Variants in SND1 observed in about 807,000 individuals in gnomAD.
The protein encoded by SND1 is staphylococcal nuclease and tudor domain containing 1, also known as staphylococcal nuclease domain-containing protein 1.
In SND1, 38 loss-of-function variants were observed where a neutral mutation model predicts 121.7. The ratio of observed to expected loss-of-function variants is 0.31; its 90% CI spans 0.24 to 0.41. The LOEUF (loss-of-function observed/expected upper bound fraction) is 0.41. Among genes scored for constraint, SND1 ranks in the 10% least tolerant of loss-of-function variants. The pLI is 1.00. For missense variants in SND1, 868 were observed against 1,184.6 expected (o/e 0.73, Z 3.92); for synonymous variants, 401 against 447.4 (o/e 0.90, Z 1.31).
intron 16 of SND1, among the ~76,000 whole-genome samples, chr7:128,000,589 C>T (rs940795661): frequency 1.3e-5 from 2 of 152,090 alleles, no homozygotes; most frequent in African/African-American, 2.4e-5. Context: ...AGGCTGGTCT[C>T]AAACTCTGGG....
At chr7:127,697,814 A>G (rs1796032976) in intron 3 of SND1, among the ~76,000 whole-genome samples, 1 of 152,190 alleles carries the variant, frequency 6.6e-6, no homozygotes, top group Non-Finnish European at 1.5e-5. Context: ...TACTGCTTGC[A>G]GAGGTCGATG....
Position 127,701,233 on chromosome 7 carries a change from G to C in SND1, c.499G>C (p.Gly167Arg). 1.2e-6 allele frequency: 2 copies of C among 1,614,048 alleles called. No homozygotes were observed. The highest frequency in any genetic ancestry group is 1.7e-6 in the Non-Finnish European group (2 of 1,179,954). ...AGCCAAGAAAGGGATGTGGAGTGAG[G>C]GGAACGGTTCACATACTATCCGGGA... ...KAAKKGMWSE[G>R]NGSHTIRDLK... is the part of the protein sequence containing the mutation. The change falls in exon 5 of 24, where the codon GGG (glycine) becomes CGG (arginine). Residue 167 changes from glycine (G) to arginine (R), a missense_variant. Physicochemically the swap from Gly to Arg is moderately radical, Grantham distance 125. Around this residue, in one of 2 missense-constraint regions of SND1, gnomAD observed 743 missense variants for 1,071.3 expected, o/e 0.69. Transcript: ENST00000354725.
At chr7:127,764,582 G>T (rs1374439363) in intron 10 of SND1, among the ~76,000 whole-genome samples, 4 of 152,224 alleles carry the variant, frequency 2.6e-5, no homozygotes, top group Non-Finnish European at 5.9e-5. Context: ...GATGTGGCAG[G>T]CTGTGCTTAT....
At chr7:127,987,652 C>T (rs1001529677) in intron 15 of SND1, among the ~76,000 whole-genome samples, 11 of 152,170 alleles carry the variant, frequency 7.2e-5, no homozygotes, top group Admixed American at 5.2e-4. Context: ...CAGGACCTGC[C>T]CCGTCCTTCC....
intron 13 of SND1, among the ~76,000 whole-genome samples, chr7:127,890,704 T>A (rs979549407): frequency 6.6e-6 from 1 of 152,178 alleles, no homozygotes; most frequent in Non-Finnish European, 1.5e-5. Flanking sequence ...TAGCCATGTT[T>A]TGCTATAATA....
At chr7:127,830,552 T>C (rs1798720397) in intron 11 of SND1, among the ~76,000 whole-genome samples, 1 of 152,190 alleles carries the variant, frequency 6.6e-6, no homozygotes, top group Non-Finnish European at 1.5e-5. Context: ...TATCATTGTT[T>C]ATTTGCTTTT....
rs1236076475 is a variant in SND1, at chr7:128,088,552, A to ACCTCCC, written c.2419-937_2419-936insCCTCCC. On this transcript the variant is annotated intron_variant, in intron 21 of 23. Transcript: ENST00000354725. Reference sequence around the variant, plus strand: ...ACTGCAACCTCTCCCTCCCAGGTTGAAGTGATTCTCCCACCTCAGCCTTCC... The same window carrying ACCTCCC: ...ACTGCAACCTCTCCCTCCCAGGTTGACCTCCCAGTGATTCTCCCACCTCAGCCTTCC... 6.4e-4 allele frequency among the ~76,000 whole-genome samples: 95 copies of ACCTCCC among 147,798 alleles called. 1 individual carries two copies. The highest frequency in any genetic ancestry group is 1.1e-3 in the Admixed American group (16 of 14,474).
At chr7:128,048,645 T>C (rs1792994002) in intron 16 of SND1, among the ~76,000 whole-genome samples, 1 of 152,126 alleles carries the variant, frequency 6.6e-6, no homozygotes, top group South Asian at 2.1e-4. Context: ...TTCTCAGTGG[T>C]GGCCTGTCCA....
intron 16 of SND1, chr7:127,998,085 T>C: frequency 2.3e-6 from 1 of 441,412 alleles, no homozygotes; most frequent in Non-Finnish European, 4.7e-6. Flanking sequence ...GTGCCTAGTA[T>C]ATAAGAGATA....
chr7:128,065,170 G>A (rs1008516687), intron 16 of SND1, among the ~76,000 whole-genome samples: 14 of 152,234 alleles, frequency 9.2e-5, no homozygotes, highest in Non-Finnish European at 1.9e-4. Context: ...GGTAACTGAT[G>A]GAAATGGGTA....
At chr7:127,802,124 C>T (rs1034386509) in intron 10 of SND1, among the ~76,000 whole-genome samples, 18 of 152,076 alleles carry the variant, frequency 1.2e-4, no homozygotes, top group Admixed American at 3.9e-4. Flanking sequence ...GGATTACAGG[C>T]GTGAACCACC....
chr7:127,756,177 C>T (rs2116466226), intron 10 of SND1, among the ~76,000 whole-genome samples: 1 of 152,216 alleles, frequency 6.6e-6, no homozygotes, highest in East Asian at 1.9e-4. Context: ...TTAAATGTGT[C>T]TAGAGTTTGG....
chr7:128,085,099 C>T lies in SND1; in HGVS notation c.2234+252C>T, dbSNP rs1431304590. 6.6e-6 allele frequency among the ~76,000 whole-genome samples: 1 copy of T among 152,142 alleles called. No homozygotes were observed. Among genetic ancestry groups the T allele is most frequent in the African/African-American group, 2.4e-5 (1 of 41,430 alleles). ...CCTGGGGGATTCCAGGGTGGGAGCC[C>T]TTGCTGGCTGGCTGGCTGGCCGGCC... On this transcript the variant is annotated intron_variant, in intron 19 of 23. Coordinates refer to ENST00000354725, the MANE Select transcript of SND1 (RefSeq NM_014390.4). This position sits in a 1 kb window ranked among gnomAD's most constrained non-coding sequence, Gnocchi z 4.4.
At chr7:127,665,929 T>C (rs551214243) in intron 1 of SND1, among the ~76,000 whole-genome samples, 1 of 152,298 alleles carries the variant, frequency 6.6e-6, no homozygotes, top group South Asian at 2.1e-4. Context: ...CCTCCCGGTG[T>C]GTAAGGTAGA....
At chr7:127,813,062 G>T (rs748664142) in intron 11 of SND1, among the ~76,000 whole-genome samples, 15 of 152,194 alleles carry the variant, frequency 9.9e-5, no homozygotes, top group Non-Finnish European at 1.9e-4. Flanking sequence ...AAGGTTGCTT[G>T]TCCTTGCCTC....
At chr7:127,973,551 G>A (rs1802049574) in intron 15 of SND1, among the ~76,000 whole-genome samples, 1 of 152,174 alleles carries the variant, frequency 6.6e-6, no homozygotes. Flanking sequence ...ACTGTCAAAT[G>A]TCAATGATTT....
intron 3 of SND1, among the ~76,000 whole-genome samples, chr7:127,696,374 A>G (rs896164836): frequency 3.9e-5 from 6 of 152,220 alleles, no homozygotes; most frequent in African/African-American, 1.4e-4. Context: ...ATGAGAAATT[A>G]TAGAAACCTA....
intron 12 of SND1, among the ~76,000 whole-genome samples, chr7:127,865,275 C>T (rs1254899739): frequency 6.6e-6 from 1 of 152,222 alleles, no homozygotes; most frequent in Non-Finnish European, 1.5e-5. Context: ...GGACCTCTGT[C>T]CTTCTATCTA....
At chr7:127,668,498 ATTCACCATGG>A (rs1795458131) in intron 1 of SND1, among the ~76,000 whole-genome samples, 1 of 152,230 alleles carries the variant, frequency 6.6e-6, no homozygotes, top group Non-Finnish European at 1.5e-5. Context: ...TGTCTGTCCT[ATTCACCATGG>A]TAAATCCAGA....
Sources: gnomAD v4.1 joint callset for allele counts (sites outside exome capture counted in the v4.1 genomes callset) on GRCh38, gnomAD v4.1.1 for gene constraint, gnomAD v4.1.1 regional missense constraint, Gnocchi (gnomAD v3.1) non-coding constraint, MANE v1.5 for transcripts, NCBI Gene and HGNC (gene_info 2026-07-23, HGNC 2026-07-21) for gene names.